The following RIMBP2 variants were observed in gnomAD, a reference collection of about 807,000 sequenced individuals.
The protein encoded by RIMBP2 is RIMS-binding protein 2.
RIMBP2 carries 48 observed loss-of-function variants against 118.6 expected under a neutral mutation model. The observed-to-expected ratio is 0.40, with a 90% CI of 0.32 to 0.51. The LOEUF is 0.51. Ranked by LOEUF, RIMBP2 falls within the 20% of genes least tolerant of loss-of-function variation. The probability of loss-of-function intolerance (pLI) is 0.41; values close to 1 mark genes in which losing one functional copy is unlikely to be tolerated. For missense variants in RIMBP2, 1,551 were observed against 1,768.3 expected (o/e 0.88, Z 2.20); for synonymous variants, 762 against 742.9 (o/e 1.03, Z -0.42).
At chr12:130,491,897 A>G (rs2048680212) in intron 4 of RIMBP2, among the ~76,000 whole-genome samples, 1 of 152,200 alleles carries the variant, frequency 6.6e-6, no homozygotes, top group South Asian at 2.1e-4. Context: ...GTCGACATTC[A>G]CGCCAGCACT....
chr12:130,530,355 T>A (rs1793932756), intron 2 of RIMBP2, among the ~76,000 whole-genome samples: 1 of 152,210 alleles, frequency 6.6e-6, no homozygotes, highest in Non-Finnish European at 1.5e-5. Context: ...AATGTGACTC[T>A]ACCAAATGCT....
chr12:130,708,182 C>T (rs534511640), intron 1 of RIMBP2, among the ~76,000 whole-genome samples: 18 of 152,104 alleles, frequency 1.2e-4, no homozygotes, highest in Non-Finnish European at 2.5e-4. Flanking sequence ...ATGTCCACGG[C>T]GGGACATCTA....
intron 1 of RIMBP2, among the ~76,000 whole-genome samples, chr12:130,629,610 A>G (rs1160278790): frequency 1.3e-5 from 2 of 152,154 alleles, no homozygotes; most frequent in African/African-American, 4.8e-5. Context: ...CAGAAATTAG[A>G]CAGTCCACCT....
At chr12:130,587,917 A>G (rs1319183174) in intron 2 of RIMBP2, among the ~76,000 whole-genome samples, 2 of 150,910 alleles carry the variant, frequency 1.3e-5, no homozygotes, top group Admixed American at 6.6e-5. Context: ...GCTGCCCCCC[A>G]CACACTGTTC....
intron 2 of RIMBP2, among the ~76,000 whole-genome samples, chr12:130,524,070 C>T (rs1021940734): frequency 3.3e-5 from 5 of 152,140 alleles, no homozygotes; most frequent in Non-Finnish European, 7.4e-5. Flanking sequence ...CTGCTGGCCT[C>T]AAAGAGGTTG....
At chr12:130,637,294 T>C (rs985918842) in intron 1 of RIMBP2, among the ~76,000 whole-genome samples, 1 of 152,210 alleles carries the variant, frequency 6.6e-6, no homozygotes, top group African/African-American at 2.4e-5. Flanking sequence ...GGGAGGCCTC[T>C]GGGAGTAGAG....
At position 130,397,146 on chromosome 12, in the gene RIMBP2, G is replaced by T; in HGVS notation, c.*215C>A. 3.0e-6 allele frequency: 1 copy of T among 333,978 alleles called. No individual in the cohort carries two copies. Among genetic ancestry groups the T allele is most frequent in the Non-Finnish European group, 5.4e-6 (1 of 185,828 alleles). 20.7% of individuals were successfully genotyped at this position (333,978 alleles called of 1,614,324 possible). A position where few individuals can be genotyped will look rare whatever the true frequency, so the allele number is the denominator to read the frequency against. ...CCTCCCACCTCCCAAATCAGAGCTT[G>T]GACAATGAGAGCAGACTGCCAGCGG... On this transcript the variant is annotated 3_prime_UTR_variant, in exon 23 of 23. Transcript: ENST00000690449.
intron 1 of RIMBP2, among the ~76,000 whole-genome samples, chr12:130,699,886 T>G (rs2065767227): frequency 8.0e-6 from 1 of 125,588 alleles, no homozygotes; most frequent in African/African-American, 3.0e-5. Flanking sequence ...GCCTGGGTGA[T>G]GGTGTGAGAC....
intron 21 of RIMBP2, among the ~76,000 whole-genome samples, chr12:130,402,057 C>T (rs2074644051): frequency 6.6e-6 from 1 of 152,172 alleles, no homozygotes; most frequent in Admixed American, 6.5e-5. Flanking sequence ...TTCTTTTGGG[C>T]TGAACACACA....
chr12:130,504,260 T>C (rs938601745), intron 4 of RIMBP2, among the ~76,000 whole-genome samples: 1 of 152,188 alleles, frequency 6.6e-6, no homozygotes, highest in Non-Finnish European at 1.5e-5. Flanking sequence ...AGTGTCTTTG[T>C]TCTGTGCAGG....
intron 1 of RIMBP2, among the ~76,000 whole-genome samples, chr12:130,630,585 T>C (rs546801900): frequency 1.2e-4 from 19 of 152,160 alleles, no homozygotes; most frequent in Non-Finnish European, 2.4e-4. Context: ...GATCTCTGAG[T>C]GCTCTGCAAC....
intron 2 of RIMBP2, among the ~76,000 whole-genome samples, chr12:130,606,606 T>G (rs1304559379): frequency 6.6e-6 from 1 of 152,192 alleles, no homozygotes; most frequent in African/African-American, 2.4e-5. Flanking sequence ...AAACTCTTAG[T>G]GGCTTCCATC....
chr12:130,654,586 G>T (rs1229365734), intron 1 of RIMBP2, among the ~76,000 whole-genome samples: 1 of 152,148 alleles, frequency 6.6e-6, no homozygotes, highest in Non-Finnish European at 1.5e-5. Flanking sequence ...TCCACCCTCT[G>T]CCTATTACCC....
intron 2 of RIMBP2, among the ~76,000 whole-genome samples, chr12:130,518,399 A>G (rs2051710602): frequency 6.6e-6 from 1 of 152,240 alleles, no homozygotes; most frequent in Non-Finnish European, 1.5e-5. Flanking sequence ...TTCTAGATTC[A>G]GAGTCCAAAA....
chr12:130,433,936 G>A (rs1566024052), intron 14 of RIMBP2, among the ~76,000 whole-genome samples: 4 of 152,316 alleles, frequency 2.6e-5, no homozygotes, highest in South Asian at 2.1e-4. Flanking sequence ...GTTTCTGAAC[G>A]ATTTGGATCT....
intron 2 of RIMBP2, among the ~76,000 whole-genome samples, chr12:130,609,090 A>C (rs2060352488): frequency 6.6e-6 from 1 of 152,156 alleles, no homozygotes; most frequent in Non-Finnish European, 1.5e-5. Flanking sequence ...CCATGTTGTC[A>C]GAAAACTGTA....
intron 2 of RIMBP2, among the ~76,000 whole-genome samples, chr12:130,563,328 G>A (rs1454435329): frequency 6.6e-6 from 1 of 152,212 alleles, no homozygotes; most frequent in African/African-American, 2.4e-5. Context: ...ATCTCCAGCT[G>A]GAAGTCCAGT....
intron 22 of RIMBP2, chr12:130,398,026 A>C (rs1383775325): frequency 6.6e-6 from 1 of 152,654 alleles, no homozygotes; most frequent in Non-Finnish European, 1.5e-5. Flanking sequence ...AATATTGGAG[A>C]TGGCACACTG....
chr12:130,524,961 C>T (rs565981720), intron 2 of RIMBP2, among the ~76,000 whole-genome samples: 3 of 152,066 alleles, frequency 2.0e-5, no homozygotes, highest in Non-Finnish European at 4.4e-5. Flanking sequence ...AGTGTGAGAC[C>T]CCACGTGAGG....
Sources: allele counts gnomAD v4.1 joint callset (sites outside exome capture counted in the v4.1 genomes callset), GRCh38; gene constraint gnomAD v4.1.1; transcripts MANE v1.5; gene names NCBI Gene and HGNC (gene_info 2026-07-23, HGNC 2026-07-21).